Variants in ENTPD1 observed in about 807,000 individuals in gnomAD.
ENTPD1 encodes the protein ATP diphosphohydrolase.
ENTPD1 carries 33 observed loss-of-function variants against 57.0 expected under a neutral mutation model. The observed-to-expected ratio is 0.58, with a 90% CI of 0.44 to 0.77. The LOEUF (loss-of-function observed/expected upper bound fraction) is 0.77, where lower values mean the gene tolerates loss of function less well. Ranked by LOEUF, ENTPD1 falls within the 30% of genes least tolerant of loss-of-function variation. ENTPD1 has a pLI of 0.00. For synonymous variants in ENTPD1, 202 were observed against 218.8 expected, an observed-to-expected ratio of 0.92 and a Z score of 0.68; for missense variants, 501 against 603.4, an observed-to-expected ratio of 0.83 and a Z score of 1.78.
chr10:95,827,087 G>A (rs1199601380), intron 2 of ENTPD1, among the ~76,000 whole-genome samples: 1 of 152,116 alleles, frequency 6.6e-6, no homozygotes, highest in Admixed American at 6.6e-5. Context: ...AAGAAAAGAG[G>A]TGAAATTAAT....
At chr10:95,738,017 G>A (rs1013230279) in intron 1 of ENTPD1, among the ~76,000 whole-genome samples, 2 of 152,230 alleles carry the variant, frequency 1.3e-5, no homozygotes, top group Non-Finnish European at 2.9e-5. Context: ...GAACAAATCA[G>A]TTGAGGGCTG....
intron 1 of ENTPD1, among the ~76,000 whole-genome samples, chr10:95,777,056 C>T (rs2098136788): frequency 6.6e-6 from 1 of 152,180 alleles, no homozygotes; most frequent in South Asian, 2.1e-4. Flanking sequence ...TTTTTAGCTT[C>T]CTTGCGATGG....
chr10:95,739,156 T>C (rs966339227), intron 1 of ENTPD1, among the ~76,000 whole-genome samples: 1 of 152,240 alleles, frequency 6.6e-6, no homozygotes, highest in African/African-American at 2.4e-5. Context: ...ATCTTTTTGC[T>C]GTTGGAGGAT....
At chr10:95,751,189 A>G (rs1321311682), upstream of ENTPD1, among the ~76,000 whole-genome samples, 1 of 152,222 alleles carries the variant, frequency 6.6e-6, no homozygotes, top group Non-Finnish European at 1.5e-5. Context: ...TATGCATGAT[A>G]AGGAGACTAG....
chr10:95,872,791 T>C lies in ENTPD1; in HGVS notation c.*6408T>C, dbSNP rs1181063254. On this transcript the variant is annotated 3_prime_UTR_variant, in exon 10 of 10. Coordinates refer to ENST00000371205, the MANE Select transcript of ENTPD1 (RefSeq NM_001776.6). ...CACTAGTTCTGCTTCACTCTATTTA[T>C]CTCTTGATGTAACCATCTTCTTTCT... 2.0e-6 allele frequency: 2 copies of C among 985,286 alleles called. No individual in the cohort carries two copies. Among genetic ancestry groups the C allele is most frequent in the Non-Finnish European group, 2.4e-6 (2 of 829,946 alleles). The allele number at this position is 985,286 out of a possible 1,614,324, so 61.0% of individuals were successfully genotyped here.
intron 1 of ENTPD1, among the ~76,000 whole-genome samples, chr10:95,784,495 C>G (rs1405380056): frequency 6.6e-6 from 1 of 152,110 alleles, no homozygotes; most frequent in Non-Finnish European, 1.5e-5. Flanking sequence ...AGTGTGAAGG[C>G]CTGGGGAGAA....
At chr10:95,804,610 T>C (rs923854472) in intron 1 of ENTPD1, among the ~76,000 whole-genome samples, 4 of 152,238 alleles carry the variant, frequency 2.6e-5, no homozygotes, top group Non-Finnish European at 5.9e-5. Flanking sequence ...GTTTTCTAAA[T>C]ATACAATCAT....
At chr10:95,742,500 CTTTCTT>C (rs890369458) in intron 1 of ENTPD1, among the ~76,000 whole-genome samples, 2 of 150,792 alleles carry the variant, frequency 1.3e-5, no homozygotes, top group Non-Finnish European at 3.0e-5. Flanking sequence ...AACTTAGAAA[CTTTCTT>C]TTTCTTTTTC....
At chr10:95,705,636 C>A in the ENTPD1 span, among the ~76,000 whole-genome samples, 1 of 152,046 alleles carries the variant, frequency 6.6e-6, no homozygotes, top group Non-Finnish European at 1.5e-5. Flanking sequence ...GGATTACAGG[C>A]GCCTGCCACC....
chr10:95,823,077 T>C (rs2098359369), intron 1 of ENTPD1, among the ~76,000 whole-genome samples, 160 bp from the exon 2 acceptor site: 1 of 152,274 alleles, frequency 6.6e-6, no homozygotes, highest in African/African-American at 2.4e-5. Flanking sequence ...TCTTGAATTA[T>C]TTCCCAATTA....
At chr10:95,728,389 C>T (rs780349516) in intron 1 of ENTPD1, among the ~76,000 whole-genome samples, 9 of 152,058 alleles carry the variant, frequency 5.9e-5, no homozygotes, top group Non-Finnish European at 1.3e-4. Context: ...TTTATGGATA[C>T]TGTAAGTTTA....
intron 1 of ENTPD1, among the ~76,000 whole-genome samples, chr10:95,769,199 A>AAGGCATTC (rs1411818272): frequency 6.6e-6 from 1 of 152,208 alleles, no homozygotes; most frequent in Non-Finnish European, 1.5e-5. Context: ...CAGAGGCATA[A>AAGGCATTC]AGGCATTCAG....
intron 1 of ENTPD1, among the ~76,000 whole-genome samples, chr10:95,797,921 C>A (rs866890123): frequency 5.3e-5 from 8 of 152,252 alleles, no homozygotes; most frequent in Middle Eastern, 3.4e-3. Flanking sequence ...GGGGAGTTAT[C>A]CTCATAGAGA....
chr10:95,758,503 A>G (rs531366403), intron 1 of ENTPD1, among the ~76,000 whole-genome samples: 2 of 152,278 alleles, frequency 1.3e-5, no homozygotes, highest in East Asian at 1.9e-4. Flanking sequence ...CTTCAAGTCT[A>G]GATTAGCCCC....
intron 1 of ENTPD1, among the ~76,000 whole-genome samples, chr10:95,774,324 C>T (rs1475049851): frequency 6.6e-6 from 1 of 152,140 alleles, no homozygotes. Context: ...TGCAGAAGCT[C>T]TTTAGTTTAA....
intron 1 of ENTPD1, among the ~76,000 whole-genome samples, chr10:95,809,574 CG>C (rs2098290971): frequency 9.8e-6 from 1 of 101,690 alleles, no homozygotes; most frequent in African/African-American, 3.5e-5. Flanking sequence ...TGGGCAGAGG[CG>C]CCCCCCCACC....
intron 1 of ENTPD1, among the ~76,000 whole-genome samples, chr10:95,718,235 G>A (rs774064829): frequency 1.1e-4 from 17 of 152,040 alleles, no homozygotes; most frequent in East Asian, 1.9e-4. Context: ...TTCCTTCTTC[G>A]GTGGCTAGCC....
intron 7 of ENTPD1, 82 bp from the exon 8 acceptor site, chr10:95,860,387 C>A: frequency 8.9e-7 from 1 of 1,128,572 alleles, no homozygotes. Flanking sequence ...CAGGCACCTG[C>A]ACAAGGGATG....
intron 1 of ENTPD1, among the ~76,000 whole-genome samples, chr10:95,720,597 A>T (rs1243062831): frequency 6.6e-6 from 1 of 152,118 alleles, no homozygotes; most frequent in Non-Finnish European, 1.5e-5. Context: ...ATGGTCAAAC[A>T]TACCCGGGGC....
Sources: allele counts gnomAD v4.1 joint callset (sites outside exome capture counted in the v4.1 genomes callset), GRCh38; gene constraint gnomAD v4.1.1; transcripts MANE v1.5; gene names NCBI Gene and HGNC (gene_info 2026-07-23, HGNC 2026-07-21).